The following CFAP46 variants were observed in gnomAD, a reference collection of about 807,000 sequenced individuals.
CFAP46 encodes cilia and flagella associated protein 46.
Under a neutral mutation model 325.7 loss-of-function variants are expected in CFAP46, and 245 were observed. The ratio of observed to expected loss-of-function variants is 0.75; its 90% confidence interval spans 0.68 to 0.84. The LOEUF (loss-of-function observed/expected upper bound fraction) is 0.84, where lower values mean the gene tolerates loss of function less well. Ranked by LOEUF, CFAP46 falls within the 40% of genes least tolerant of loss-of-function variation. The pLI, the probability that CFAP46 is intolerant of heterozygous loss-of-function variation, is 0.00. For missense variants in CFAP46, 3,346 were observed against 3,543.0 expected, an observed-to-expected ratio of 0.94 and a Z score of 1.41; for synonymous variants, 1,523 against 1,495.9, an observed-to-expected ratio of 1.02 and a Z score of -0.42.
At chr10:132,821,318 CTGTGTGAGT>C (rs1847816314) in intron 50 of CFAP46, among the ~76,000 whole-genome samples, 1 of 105,746 alleles carries the variant, frequency 9.5e-6, no homozygotes, top group Non-Finnish European at 1.8e-5. Context: ...GTTGTGTGTG[CTGTGTGAGT>C]GCTGATGTGT....
At position 132,860,893 on chromosome 10, in the gene CFAP46, T is replaced by A; in HGVS notation, c.4980A>T (p.Lys1660Asn). 1.3e-6 allele frequency: 2 copies of A among 1,550,772 alleles called. No homozygotes were observed. The highest frequency in any genetic ancestry group is 1.7e-6 in the Non-Finnish European group (2 of 1,147,018). ...NKEKNYGQAK[K>N]MIAQAQHLGG... Reference sequence around the variant, plus strand: ...CCAGGTGCTGGGCCTGTGCGATCATTTTCTTGGCTTGTCCATAGTTTTTCT... The same window carrying A: ...CCAGGTGCTGGGCCTGTGCGATCATATTCTTGGCTTGTCCATAGTTTTTCT... Residue 1660 changes from lysine to asparagine, a missense_variant, in exon 36 of 58, where the codon AAA (lysine) becomes AAT (asparagine). Transcript: ENST00000368586.
intron 10 of CFAP46, among the ~76,000 whole-genome samples, chr10:132,925,810 G>T (rs1399288814): frequency 6.6e-6 from 1 of 152,198 alleles, no homozygotes; most frequent in East Asian, 1.9e-4. Context: ...GATGGGGAAG[G>T]CCTCCCAGCT....
chr10:132,933,041 G>A (rs1849937075), intron 8 of CFAP46, among the ~76,000 whole-genome samples: 1 of 152,234 alleles, frequency 6.6e-6, no homozygotes. Context: ...GTTTCCCGGG[G>A]AGTAATCACA....
At position 132,901,009 on chromosome 10, in the gene CFAP46, C is replaced by T. The variant is rs558444323; in HGVS notation, c.2925-1343G>A. 4.6e-5 allele frequency among the ~76,000 whole-genome samples: 7 copies of T among 152,366 alleles called. No homozygotes were observed. The East Asian group carries it at 1.3e-3, about 29-fold the overall frequency. The stretch of plus-strand genomic sequence containing the variant: ...CATGAGGAATGTCTACCTCGGATCG[C>T]GTGCCTGGGCCGTTTAACCGGACAC... On this transcript the variant is annotated intron_variant, in intron 22 of 57. Coordinates refer to ENST00000368586, the MANE Select transcript of CFAP46 (RefSeq NM_001200049.3).
intron 44 of CFAP46, among the ~76,000 whole-genome samples, chr10:132,843,629 T>C (rs4880440): frequency 0.012 from 859 of 70,260 alleles, 4 homozygotes; most frequent in Middle Eastern, 0.042. Context: ...TCTCGGTGAG[T>C]GTTCCCAGGG....
chr10:132,906,174 C>T (rs1482077887), intron 22 of CFAP46, among the ~76,000 whole-genome samples: 2 of 152,272 alleles, frequency 1.3e-5, no homozygotes, highest in South Asian at 2.1e-4. Flanking sequence ...CTCCCTCTAG[C>T]CCCCCTTGTG....
chr10:132,842,526 C>T (rs1259390394), intron 44 of CFAP46, among the ~76,000 whole-genome samples: 1 of 152,160 alleles, frequency 6.6e-6, no homozygotes, highest in African/African-American at 2.4e-5. Flanking sequence ...AAAGCCTTCT[C>T]CTCTAAATGC....
chr10:132,874,676 G>A (rs370027254), intron 31 of CFAP46, among the ~76,000 whole-genome samples: 1 of 37,054 alleles, frequency 2.7e-5, no homozygotes, highest in African/African-American at 1.2e-4. Flanking sequence ...ATTAATTCAA[G>A]GAATGAAGGA....
chr10:132,865,630 C>T (rs1044288286), intron 35 of CFAP46, among the ~76,000 whole-genome samples: 2 of 152,170 alleles, frequency 1.3e-5, no homozygotes, highest in African/African-American at 2.4e-5. Context: ...CAGGCAGCCC[C>T]GCACACAATC....
In CFAP46 at chr10:132,835,463, G is replaced by A. The variant is rs998553368; in HGVS notation, c.6614-29C>T. The A allele has an allele frequency of 8.1e-6, 13 of 1,612,088 alleles. No individual in the cohort carries two copies. The East Asian group carries it at 8.9e-5, about 11-fold the overall frequency. ...TGGGGACATGGACACACCCTCTGTC[G>A]CTGCCCAGGGCTGAGGATGGCAGCT... On this transcript the variant is annotated intron_variant, in intron 46 of 57. Transcript: ENST00000368586.
chr10:132,908,019 C>G lies in CFAP46; in HGVS notation c.2924+449G>C, dbSNP rs374139348. ...CCAGCCTCTGAAGGCTGAGGCCCCCCCTTTCTGTGCCTACAATGCACACGC... is the reference window on the plus strand; with the variant it reads ...CCAGCCTCTGAAGGCTGAGGCCCCCGCTTTCTGTGCCTACAATGCACACGC... On this transcript the variant is annotated intron_variant, in intron 22 of 57. Transcript: ENST00000368586. 2.1e-3 allele frequency among the ~76,000 whole-genome samples: 325 copies of G among 152,368 alleles called. 1 individual carries two copies. Among genetic ancestry groups the G allele is most frequent in the Non-Finnish European group, 3.8e-3 (259 of 68,034 alleles).
chr10:132,923,610 C>T (rs1849763172), intron 11 of CFAP46, among the ~76,000 whole-genome samples: 1 of 152,208 alleles, frequency 6.6e-6, no homozygotes, highest in Non-Finnish European at 1.5e-5. Context: ...GACCCCCGGC[C>T]TCGAGCAGGC....
intron 50 of CFAP46, among the ~76,000 whole-genome samples, chr10:132,824,143 ATGTGTGCTGTG>A (rs1278932036): frequency 2.2e-5 from 2 of 90,878 alleles, no homozygotes; most frequent in East Asian, 3.6e-4. Context: ...GTGTGTGCTG[ATGTGTGCTGTG>A]TGTGTGCTGT....
Position 132,920,122 on chromosome 10 carries a change from G to A in CFAP46, c.1667C>T (p.Thr556Ile). Reference protein sequence around the residue: ...TYLCAKAWHHTVSVDKAAGHL... With the variant: ...TYLCAKAWHHIVSVDKAAGHL... ...CCCGGCAGCTTTGTCCACGCTGACG[G>A]TGTGGTGCCACGCCTTCGCACAGAG... Residue 556 changes from threonine to isoleucine, a missense_variant, in exon 14 of 58, where the codon ACC (threonine) becomes ATC (isoleucine). Coordinates refer to ENST00000368586, the MANE Select transcript of CFAP46 (RefSeq NM_001200049.3). 2 of 1,549,412 alleles carry A rather than the reference G, an allele frequency of 1.3e-6. No individual in the cohort carries two copies. Among genetic ancestry groups the A allele is most frequent in the Non-Finnish European group, 1.7e-6 (2 of 1,146,568 alleles).
chr10:132,824,041 CTGA>C (rs200495372), intron 50 of CFAP46, among the ~76,000 whole-genome samples: 6 of 109,338 alleles, frequency 5.5e-5, no homozygotes, highest in South Asian at 3.4e-4. Flanking sequence ...CTGATGTGTG[CTGA>C]TGTGTGCTGT....
chr10:132,853,262 G>A (rs758389877), intron 39 of CFAP46, among the ~76,000 whole-genome samples: 1 of 152,196 alleles, frequency 6.6e-6, no homozygotes, highest in Non-Finnish European at 1.5e-5. Flanking sequence ...CCAGGAATGG[G>A]TGTTGAATTT....
intron 2 of CFAP46, 113 bp downstream of exon 2, chr10:132,941,867 T>G (rs1453301363): frequency 6.6e-7 from 1 of 1,507,742 alleles, no homozygotes. Flanking sequence ...GCCCCTTGAC[T>G]GCCCGGCCAG....
intron 25 of CFAP46, among the ~76,000 whole-genome samples, chr10:132,891,674 CTT>C (rs1395092065): frequency 6.6e-6 from 1 of 152,198 alleles, no homozygotes; most frequent in East Asian, 1.9e-4. Flanking sequence ...AGTCTGGTGC[CTT>C]TTTGTCTGAG....
At chr10:132,940,252 T>A (rs964230626) in intron 4 of CFAP46, among the ~76,000 whole-genome samples, 5 of 152,280 alleles carry the variant, frequency 3.3e-5, no homozygotes, top group Non-Finnish European at 5.9e-5. Flanking sequence ...ACAGCTTCTA[T>A]TTAAATATCC....
Sources: gnomAD v4.1 joint callset for allele counts (sites outside exome capture counted in the v4.1 genomes callset) on GRCh38, gnomAD v4.1.1 for gene constraint, MANE v1.5 for transcripts, NCBI Gene and HGNC (gene_info 2026-07-23, HGNC 2026-07-21) for gene names.